CCDC88C: variants seen among roughly 807,000 people sequenced by gnomAD.
CCDC88C encodes the protein coiled-coil and HOOK domain protein 88C.
In CCDC88C, 131 loss-of-function variants were observed where a neutral mutation model predicts 198.8. That is an observed-to-expected ratio of 0.66 (90% CI 0.57 to 0.76). CCDC88C has a LOEUF of 0.76. CCDC88C is among the 30% of genes least tolerant of loss of function. The pLI, the probability that CCDC88C is intolerant of heterozygous loss-of-function variation, is 0.00. For missense variants in CCDC88C, 2,553 were observed against 2,631.6 expected, an observed-to-expected ratio of 0.97 and a Z score of 0.65; for synonymous variants, 1,166 against 1,114.7, an observed-to-expected ratio of 1.05 and a Z score of -0.92.
intron 5 of CCDC88C, among the ~76,000 whole-genome samples, 153 bp from the exon 6 acceptor site, chr14:91,342,616 C>CT (rs1310098552): frequency 1.3e-5 from 2 of 152,258 alleles, no homozygotes; most frequent in African/African-American, 2.4e-5. Flanking sequence ...ACCAGCCTTA[C>CT]ACTGATGTGT....
At chr14:91,408,537 C>A in intron 3 of CCDC88C, 122 bp downstream of exon 3, 1 of 691,726 alleles carries the variant, frequency 1.4e-6, no homozygotes, top group Non-Finnish European at 2.7e-6. Flanking sequence ...AGCAGACCAA[C>A]TGTCAACAAG....
intron 29 of CCDC88C, among the ~76,000 whole-genome samples, chr14:91,276,011 G>A (rs1047264742): frequency 2.6e-4 from 40 of 151,612 alleles, no homozygotes; most frequent in African/African-American, 4.4e-4. Context: ...TAGTAGAGAC[G>A]GGGTTTCACC....
intron 3 of CCDC88C, among the ~76,000 whole-genome samples, chr14:91,373,034 C>A (rs917565445): frequency 6.6e-6 from 1 of 152,138 alleles, no homozygotes; most frequent in Non-Finnish European, 1.5e-5. Context: ...ACACAGGAAG[C>A]CACAGTCACC....
chr14:91,287,636 C>CTTTTTTTTT (rs71120129), intron 25 of CCDC88C, among the ~76,000 whole-genome samples: 15 of 75,658 alleles, frequency 2.0e-4, no homozygotes, highest in Non-Finnish European at 2.7e-4. Flanking sequence ...TGCACCAGGT[C>CTTTTTTTTT]TTTTTTTTTT....
At position 91,284,941 on chromosome 14, in the gene CCDC88C, C is replaced by A. The variant is rs1440158485; in HGVS notation, c.4442-1424G>T. On this transcript the variant is annotated intron_variant, in intron 25 of 29. Transcript: ENST00000389857. This position sits in a 1 kb window ranked among gnomAD's most constrained non-coding sequence, Gnocchi z 4.1. The stretch of plus-strand genomic sequence containing the variant: ...CAGGAAATGCTCCATAGGTAATGGC[C>A]TAGCTGGCCGGCTGGCATTTTCCCT... 6.6e-6 allele frequency among the ~76,000 whole-genome samples: 1 copy of A among 152,152 alleles called. No individual in the cohort carries two copies. The highest frequency in any genetic ancestry group is 1.5e-5 in the Non-Finnish European group (1 of 68,030).
At chr14:91,305,662 T>C (rs904102211) in intron 19 of CCDC88C, 103 bp downstream of exon 19, 8 of 1,124,528 alleles carry the variant, frequency 7.1e-6, no homozygotes, top group African/African-American at 1.6e-5. Flanking sequence ...TGTGCTTTGA[T>C]CTGCTGCTTT....
chr14:91,417,504 A>C (rs1887128553), intron 1 of CCDC88C, 127 bp downstream of exon 1: 1 of 749,172 alleles, frequency 1.3e-6, no homozygotes, highest in African/African-American at 1.9e-5. Context: ...GCCGGGAGCC[A>C]CTTGCTGCGT....
Position 91,272,704 on chromosome 14 carries a change from C to T in CCDC88C, c.6008G>A (p.Ser2003Asn), listed in dbSNP as rs372530598. Residue 2003 changes from serine to asparagine, a missense_variant, in exon 30 of 30, where the codon AGC becomes AAC. Physicochemically the swap from Ser to Asn is conservative, Grantham distance 46 (BLOSUM62 1). This residue lies in a region of CCDC88C where 1,293 missense variants were observed against 1,219.6 expected (regional missense o/e 1.06). Coordinates refer to ENST00000389857, the MANE Select transcript of CCDC88C (RefSeq NM_001080414.4). ...GRALEDCSRGSVSKSSPASPE... is the reference protein window; with the variant it reads ...GRALEDCSRGNVSKSSPASPE... ...GGAGGCCGGACTGCTCTTTGAGACG[C>T]TCCCTCGACTGCAGTCCTCCAGGGC... 24 of 1,611,256 alleles carry T rather than the reference C, an allele frequency of 1.5e-5. No individual in the cohort carries two copies. Among genetic ancestry groups the T allele is most frequent in the Non-Finnish European group, 2.0e-5 (24 of 1,179,768 alleles).
At chr14:91,417,502 C>G in intron 1 of CCDC88C, 129 bp downstream of exon 1, 1 of 718,144 alleles carries the variant, frequency 1.4e-6, no homozygotes, top group East Asian at 3.2e-5. Flanking sequence ...CGGCCGGGAG[C>G]CACTTGCTGC....
intron 3 of CCDC88C, among the ~76,000 whole-genome samples, chr14:91,383,374 T>G (rs768317748): frequency 2.0e-5 from 3 of 152,110 alleles, no homozygotes; most frequent in Non-Finnish European, 4.4e-5. Context: ...CAAGAAAGAC[T>G]GTCGTTGTTT....
chr14:91,325,810 C>T lies in CCDC88C; in HGVS notation c.1197+100G>A, dbSNP rs1482466229. On this transcript the variant is annotated intron_variant, in intron 11 of 29. Coordinates refer to ENST00000389857, the MANE Select transcript of CCDC88C (RefSeq NM_001080414.4). This position sits in a 1 kb window ranked among gnomAD's most constrained non-coding sequence, Gnocchi z 4.1. ...GTTAGAACTCCTGCGCTCAAGGGAT[C>T]CTCCCACCTTAGCCTCCCAAAGTGC... The T allele has an allele frequency of 8.2e-6, 10 of 1,214,986 alleles. No homozygotes were observed. The highest frequency in any genetic ancestry group is 1.0e-5 in the Non-Finnish European group (9 of 876,372). The allele number at this position is 1,214,986 out of a possible 1,614,324, so 75.3% of individuals were successfully genotyped here. A position where few individuals can be genotyped will look rare whatever the true frequency, so the allele number is the denominator to read the frequency against.
At chr14:91,298,428 G>C (rs747431274) in intron 21 of CCDC88C, among the ~76,000 whole-genome samples, 1 of 151,882 alleles carries the variant, frequency 6.6e-6, no homozygotes, top group African/African-American at 2.4e-5. Flanking sequence ...CAGCTACTTG[G>C]GAGGCTGGGC....
chr14:91,320,604 G>A (rs1892315047), intron 13 of CCDC88C, among the ~76,000 whole-genome samples: 1 of 152,220 alleles, frequency 6.6e-6, no homozygotes, highest in African/African-American at 2.4e-5. Context: ...GACTTGGATT[G>A]GCACCTGAAG....
Position 91,332,981 on chromosome 14 carries a change from G to A in CCDC88C, c.1050+5024C>T, listed in dbSNP as rs554994379. Among the ~76,000 whole-genome samples, 11 of 152,334 alleles carry A rather than the reference G, an allele frequency of 7.2e-5. No homozygotes were observed. The East Asian group carries it at 2.1e-3, about 29-fold the overall frequency. ...CCCTGCCTTTCCGGAGGGAATCCAC[G>A]AGTGAAGAGCCTCGGGCGGGGGTCG... is the stretch of plus-strand genomic sequence containing the variant. On this transcript the variant is annotated intron_variant, in intron 10 of 29. Coordinates refer to ENST00000389857, the MANE Select transcript of CCDC88C (RefSeq NM_001080414.4).
rs369995570 is a variant in CCDC88C, at chr14:91,294,144, G to A, written c.4112+29C>T. On this transcript the variant is annotated intron_variant, in intron 23 of 29. Coordinates refer to ENST00000389857, the MANE Select transcript of CCDC88C (RefSeq NM_001080414.4). ...GGATGTGCAGCTGTGGTGAGGGTGC[G>A]GAGAGGGGTTCAGGGACTCCCTGCT... 856 of 1,612,058 alleles carry A rather than the reference G, an allele frequency of 5.3e-4. 1 individual carries two copies. Among genetic ancestry groups the A allele is most frequent in the Non-Finnish European group, 6.3e-4 (748 of 1,178,336 alleles).
chr14:91,391,081 G>A (rs898745357), intron 3 of CCDC88C, among the ~76,000 whole-genome samples: 8 of 152,154 alleles, frequency 5.3e-5, no homozygotes, highest in Non-Finnish European at 7.4e-5. Context: ...AACACCAAGC[G>A]CTTAACACAA....
chr14:91,301,314 C>T (rs1211708338), intron 20 of CCDC88C, among the ~76,000 whole-genome samples: 1 of 152,170 alleles, frequency 6.6e-6, no homozygotes, highest in South Asian at 2.1e-4. Flanking sequence ...GTCCAACCAG[C>T]AAAAAGCACT....
chr14:91,386,169 C>T (rs148442259), intron 3 of CCDC88C, among the ~76,000 whole-genome samples: 11 of 151,386 alleles, frequency 7.3e-5, no homozygotes, highest in African/African-American at 2.4e-4. Context: ...GCAGGCCGGG[C>T]GCGGTGGCTC....
At chr14:91,309,246 A>G (rs1266695938) in intron 16 of CCDC88C, among the ~76,000 whole-genome samples, 1 of 152,122 alleles carries the variant, frequency 6.6e-6, no homozygotes, top group African/African-American at 2.4e-5. Flanking sequence ...ACAACAACAA[A>G]ACCCATTATC....
Sources: allele counts gnomAD v4.1 joint callset (sites outside exome capture counted in the v4.1 genomes callset), GRCh38; gene constraint gnomAD v4.1.1; regional missense constraint gnomAD v4.1.1; non-coding constraint Gnocchi (gnomAD v3.1); transcripts MANE v1.5; gene names NCBI Gene and HGNC (gene_info 2026-07-23, HGNC 2026-07-21).